The following PLEKHG1 variants were observed in gnomAD, a reference collection of about 807,000 sequenced individuals.
PLEKHG1 encodes pleckstrin homology and RhoGEF domain containing G1, also known as pleckstrin homology domain-containing family G member 1.
In PLEKHG1, 44 loss-of-function variants were observed where a neutral mutation model predicts 100.8. That is an observed-to-expected ratio of 0.44 (90% CI 0.34 to 0.56). PLEKHG1 has a LOEUF of 0.56. PLEKHG1 is among the 20% of genes least tolerant of loss of function. The probability of loss-of-function intolerance (pLI) is 0.01; values close to 1 mark genes in which losing one functional copy is unlikely to be tolerated. For missense variants in PLEKHG1, 1,545 were observed against 1,720.9 expected, an observed-to-expected ratio of 0.90 and a Z score of 1.81; for synonymous variants, 640 against 662.5, an observed-to-expected ratio of 0.97 and a Z score of 0.52.
intron 3 of PLEKHG1, among the ~76,000 whole-genome samples, chr6:150,773,905 A>C (rs11968895): frequency 6.6e-6 from 1 of 152,018 alleles, no homozygotes; most frequent in East Asian, 1.9e-4. Flanking sequence ...TGTAACTTTT[A>C]TGTTTTTTTA....
intron 3 of PLEKHG1, among the ~76,000 whole-genome samples, chr6:150,655,970 A>G (rs887844427): frequency 7.9e-5 from 12 of 152,234 alleles, no homozygotes; most frequent in Middle Eastern, 3.4e-3. Context: ...CAGGAGAGGT[A>G]TAGCATTAGG....
chr6:150,655,033 C>A (rs1310669497), intron 3 of PLEKHG1, among the ~76,000 whole-genome samples: 1 of 152,150 alleles, frequency 6.6e-6, no homozygotes, highest in African/African-American at 2.4e-5. Context: ...AGTTTAAAAT[C>A]ATTATACAAA....
intron 2 of PLEKHG1, among the ~76,000 whole-genome samples, chr6:150,748,589 C>G (rs1783297660): frequency 6.6e-6 from 1 of 150,580 alleles, no homozygotes; most frequent in African/African-American, 2.4e-5. Flanking sequence ...GGAAGCAAAT[C>G]CTGGCTCTCA....
At chr6:150,734,586 G>C (rs1782466878) in intron 2 of PLEKHG1, among the ~76,000 whole-genome samples, 1 of 152,176 alleles carries the variant, frequency 6.6e-6, no homozygotes, top group South Asian at 2.1e-4. Flanking sequence ...TGGTGGAATT[G>C]TTGAAGATGC....
chr6:150,790,634 A>G (rs1283107165), intron 4 of PLEKHG1, among the ~76,000 whole-genome samples: 2 of 152,214 alleles, frequency 1.3e-5, no homozygotes, highest in Non-Finnish European at 2.9e-5. Context: ...TGTTACTGCA[A>G]AAGACTAGAA....
At chr6:150,618,810 C>T (rs1777173715) in intron 1 of PLEKHG1, among the ~76,000 whole-genome samples, 1 of 152,146 alleles carries the variant, frequency 6.6e-6, no homozygotes, top group Non-Finnish European at 1.5e-5. Context: ...GAAAAACAGG[C>T]TGGATGCTCA....
chr6:150,640,814 G>A (rs1303749317), intron 2 of PLEKHG1, among the ~76,000 whole-genome samples: 1 of 152,106 alleles, frequency 6.6e-6, no homozygotes, highest in Non-Finnish European at 1.5e-5. Context: ...CCATGTGCTG[G>A]GCATCGGGCA....
intron 3 of PLEKHG1, among the ~76,000 whole-genome samples, chr6:150,700,176 G>A (rs1298880829): frequency 6.6e-6 from 1 of 152,190 alleles, no homozygotes; most frequent in Non-Finnish European, 1.5e-5. Flanking sequence ...AGGAGACCCT[G>A]CCAGGCTGAC....
Position 150,831,568 on chromosome 6 carries a change from C to G in PLEKHG1, c.2457C>G (p.Asn819Lys). The change falls in exon 15 of 16, where the codon AAC (asparagine) becomes AAG (lysine). Residue 819 changes from asparagine to lysine, a missense_variant. Asn to Lys is a moderately conservative substitution (Grantham distance 94). Coordinates refer to ENST00000358517, the Ensembl canonical transcript of PLEKHG1. This position sits in a 1 kb window ranked among gnomAD's most constrained non-coding sequence, Gnocchi z 4.1. The stretch of plus-strand genomic sequence containing the variant: ...TGCTGTATGACTCTCCCAGTGGTAA[C>G]TTGTCTATGCCTCATAAGCCTGTAT... 1 of 1,614,210 alleles carries G rather than the reference C, an allele frequency of 6.2e-7. No homozygotes were observed. The highest frequency in any genetic ancestry group is 1.3e-5 in the African/African-American group (1 of 75,056).
intron 1 of PLEKHG1, among the ~76,000 whole-genome samples, chr6:150,625,240 G>T (rs1777462723): frequency 6.6e-6 from 1 of 152,140 alleles, no homozygotes. Flanking sequence ...TTGCCTGGGT[G>T]GCTTCAATGA....
chr6:150,728,411 T>C (rs572303720), intron 1 of PLEKHG1, among the ~76,000 whole-genome samples: 4 of 151,142 alleles, frequency 2.6e-5, no homozygotes, highest in Non-Finnish European at 4.4e-5. Flanking sequence ...CTGGGCAACA[T>C]AGAAAGACTT....
intron 14 of PLEKHG1, among the ~76,000 whole-genome samples, chr6:150,824,810 A>G (rs1776499647): frequency 6.6e-6 from 1 of 152,188 alleles, no homozygotes; most frequent in South Asian, 2.1e-4. Flanking sequence ...GATTACAGGC[A>G]TGAACCACCA....
intron 1 of PLEKHG1, among the ~76,000 whole-genome samples, chr6:150,612,758 G>T (rs1776906611): frequency 6.6e-6 from 1 of 152,072 alleles, no homozygotes; most frequent in South Asian, 2.1e-4. Flanking sequence ...TCATACCTCA[G>T]GTCCAATCCA....
chr6:150,807,944 G>A (rs932190678), intron 7 of PLEKHG1, among the ~76,000 whole-genome samples: 3 of 152,012 alleles, frequency 2.0e-5, no homozygotes, highest in African/African-American at 7.3e-5. Flanking sequence ...ACTCCAGCCT[G>A]GACAACAGAG....
At position 150,831,547 on chromosome 6, in the gene PLEKHG1, G is replaced by C; in HGVS notation, c.2436G>C (p.Leu812=). 6.2e-7 allele frequency: 1 copy of C among 1,614,184 alleles called. No homozygotes were observed. Among genetic ancestry groups the C allele is most frequent in the African/African-American group, 1.3e-5 (1 of 75,052 alleles). ...CCGATCATGGTTATCTGAGTTTGCT[G>C]TATGACTCTCCCAGTGGTAACTTGT... Residue 812 remains leucine (L), a synonymous_variant, in exon 15 of 16, where the codon CTG becomes CTC. Transcript: ENST00000358517. This position sits in a 1 kb window ranked among gnomAD's most constrained non-coding sequence, Gnocchi z 4.1.
chr6:150,751,418 T>C (rs780103460), intron 2 of PLEKHG1, among the ~76,000 whole-genome samples: 6 of 152,176 alleles, frequency 3.9e-5, no homozygotes, highest in Non-Finnish European at 7.3e-5. Flanking sequence ...CTCAGCTTCA[T>C]CCTCTGTAAA....
chr6:150,820,873 G>A (rs746263560), intron 12 of PLEKHG1, among the ~76,000 whole-genome samples: 9 of 152,066 alleles, frequency 5.9e-5, no homozygotes, highest in Admixed American at 3.3e-4. Context: ...CTCCAAAAAA[G>A]AATGTACAAT....
rs1255021986 is a variant in PLEKHG1 at position 150,701,602 on chromosome 6, C to G, written c.-98-31982C>G. Among the ~76,000 whole-genome samples, 7 of 124,638 alleles carry G rather than the reference C, an allele frequency of 5.6e-5. No homozygotes were observed. The South Asian group carries it at 2.0e-3, about 36-fold the overall frequency. 81.8% of individuals were successfully genotyped at this position (124,638 alleles called of 152,430 possible). A position where few individuals can be genotyped will look rare whatever the true frequency, so the allele number is the denominator to read the frequency against. Reference sequence around the variant, plus strand: ...TATATCTCCTAATGCTATCCCTCCCCCCTCCCCTCACCCCACAGTGGCCCC... The same window carrying G: ...TATATCTCCTAATGCTATCCCTCCCGCCTCCCCTCACCCCACAGTGGCCCC... On this transcript the variant is annotated intron_variant, in intron 3 of 3. Coordinates refer to the PLEKHG1 transcript ENST00000367326.
chr6:150,626,511 G>A (rs62434101), intron 1 of PLEKHG1, among the ~76,000 whole-genome samples: 11,429 of 152,216 alleles, frequency 0.075, 537 homozygotes, highest in Non-Finnish European at 0.1. Context: ...TTACTGCCGG[G>A]CTCTCCGGAG....
Sources: gnomAD v4.1 joint callset for allele counts (sites outside exome capture counted in the v4.1 genomes callset) on GRCh38, gnomAD v4.1.1 for gene constraint, Gnocchi (gnomAD v3.1) non-coding constraint, MANE v1.5 for transcripts, NCBI Gene and HGNC (gene_info 2026-07-23, HGNC 2026-07-21) for gene names.